The following PIGN variants were observed in gnomAD, a reference collection of about 807,000 sequenced individuals.
PIGN encodes phosphatidylinositol glycan anchor biosynthesis class N.
In PIGN, 117 loss-of-function variants were observed where a neutral mutation model predicts 125.4. The observed-to-expected ratio is 0.93, with a 90% CI of 0.80 to 1.09. The LOEUF (loss-of-function observed/expected upper bound fraction) is 1.09, where lower values mean the gene tolerates loss of function less well. Among genes scored for constraint, PIGN ranks in the 50% least tolerant of loss-of-function variants. PIGN has a pLI of 0.00. For synonymous variants in PIGN, 392 were observed against 377.8 expected, an observed-to-expected ratio of 1.04 and a Z score of -0.44; for missense variants, 1,075 against 1,094.9, an observed-to-expected ratio of 0.98 and a Z score of 0.26.
At chr18:62,087,476 G>T (rs1477250554) in intron 25 of PIGN, among the ~76,000 whole-genome samples, 1 of 152,172 alleles carries the variant, frequency 6.6e-6, no homozygotes, top group East Asian at 1.9e-4. Flanking sequence ...CATATACATG[G>T]AGAGAAAATA....
chr18:62,042,660 T>A lies in PIGN; in HGVS notation c.*3196A>T, dbSNP rs1350596005. 1 of 152,066 alleles carries A rather than the reference T, an allele frequency of 6.6e-6. No individual in the cohort carries two copies. Among genetic ancestry groups the A allele is most frequent in the African/African-American group, 2.4e-5 (1 of 41,414 alleles). The allele number at this position is 152,066 out of a possible 1,614,324, so 9.4% of individuals were successfully genotyped here. On this transcript the variant is annotated 3_prime_UTR_variant, in exon 31 of 31. Transcript: ENST00000640252. ...TGATTATTAATGTTTCCTTCTCATT[T>A]TTTTTTTAAATAACAAAGCATCATA...
At chr18:62,046,848 T>C (rs1271300969) in intron 30 of PIGN, among the ~76,000 whole-genome samples, 1 of 152,210 alleles carries the variant, frequency 6.6e-6, no homozygotes, top group Non-Finnish European at 1.5e-5. Context: ...GGGCTGACTA[T>C]ACAACTAAAA....
chr18:62,124,874 T>C (rs1259431347), intron 14 of PIGN, among the ~76,000 whole-genome samples: 1 of 152,178 alleles, frequency 6.6e-6, no homozygotes, highest in Admixed American at 6.6e-5. Flanking sequence ...CAGAAAACTA[T>C]AAACTATAGA....
In PIGN at chr18:62,105,559, G is replaced by T; in HGVS notation, c.1843C>A (p.Pro615Thr). Residue 615 changes from proline to threonine, a missense_variant, in exon 20 of 31, where the codon CCA (proline) becomes ACA (threonine). Physicochemically the swap from Pro to Thr is conservative, Grantham distance 38. Coordinates refer to ENST00000640252, the MANE Select transcript of PIGN (RefSeq NM_176787.5). The stretch of plus-strand genomic sequence containing the variant: ...TATTCATACACTAGAGAGATGTCTG[G>T]CTTTCGACCTACAACCGGCATCAGT... ...FPLMPVVGRK[P>T]DISLVMGAGL... The T allele has an allele frequency of 6.5e-7, 1 of 1,544,448 alleles. No homozygotes were observed. The highest frequency in any genetic ancestry group is 1.9e-5 in the Admixed American group (1 of 51,490).
At chr18:62,101,666 C>T (rs943136807) in intron 21 of PIGN, among the ~76,000 whole-genome samples, 3 of 152,102 alleles carry the variant, frequency 2.0e-5, no homozygotes, top group African/African-American at 7.2e-5. Context: ...GTGATGTAAT[C>T]CTTCAAATGT....
Position 62,143,286 on chromosome 18 carries a change from A to C in PIGN, c.963+20T>G. On this transcript the variant is annotated intron_variant, in intron 11 of 30. Transcript: ENST00000640252. ...AGAAGATAAAATTAAATTTGAATGT[A>C]ATAAAATCGAACTGGATACCTGATT... is the stretch of plus-strand genomic sequence containing the variant. The C allele has an allele frequency of 7.5e-7, 1 of 1,330,934 alleles. No homozygotes were observed. The highest frequency in any genetic ancestry group is 1.1e-6 in the Non-Finnish European group (1 of 945,050). The allele number at this position is 1,330,934 out of a possible 1,614,324, so 82.4% of individuals were successfully genotyped here. A position where few individuals can be genotyped will look rare whatever the true frequency, so the allele number is the denominator to read the frequency against.
rs751898649 is a variant in PIGN, at chr18:62,084,550, C to G, written c.2483G>C (p.Gly828Ala). 5 of 1,554,068 alleles carry G rather than the reference C, an allele frequency of 3.2e-6. No individual in the cohort carries two copies. The highest frequency in any genetic ancestry group is 4.4e-6 in the Non-Finnish European group (5 of 1,146,600). Residue 828 changes from glycine to alanine, a missense_variant, in exon 27 of 31, where the codon GGA (glycine) becomes GCA (alanine). Physicochemically the swap from Gly to Ala is moderately conservative, Grantham distance 60. Around this residue, in one of 3 missense-constraint regions of PIGN, gnomAD observed 915 missense variants for 908.7 expected, o/e 1.01. Transcript: ENST00000640252. ...ACTAACCTTCCACATCATCAGGGCT[C>G]CCATCATAAAAGGACTGAACACAGT... ...FLTVFSPFMM[G>A]ALMMWKILIP...
intron 28 of PIGN, among the ~76,000 whole-genome samples, chr18:62,079,247 AT>A (rs969478749): frequency 6.6e-6 from 1 of 152,140 alleles, no homozygotes; most frequent in East Asian, 1.9e-4. Context: ...GAATCACTTC[AT>A]TTTTTCCCCT....
intron 10 of PIGN, among the ~76,000 whole-genome samples, 155 bp from the exon 11 acceptor site, chr18:62,143,501 G>A (rs1006008031): frequency 2.0e-5 from 3 of 152,042 alleles, no homozygotes; most frequent in Non-Finnish European, 2.9e-5. Flanking sequence ...TAAAGGCAAA[G>A]GTGTATTTTT....
intron 14 of PIGN, among the ~76,000 whole-genome samples, chr18:62,122,177 T>C (rs968082664): frequency 5.9e-5 from 9 of 152,160 alleles, no homozygotes; most frequent in Non-Finnish European, 1.0e-4. Flanking sequence ...CATTTCAAAA[T>C]AGCTGGAACA....
At chr18:62,055,640 G>T (rs1423917544) in intron 30 of PIGN, among the ~76,000 whole-genome samples, 1 of 151,910 alleles carries the variant, frequency 6.6e-6, no homozygotes, top group African/African-American at 2.4e-5. Context: ...AGTTACCACT[G>T]GGGGGAAATA....
At chr18:62,114,787 T>C (rs9962588) in intron 14 of PIGN, 148 bp from the exon 15 acceptor site, 4 of 464,852 alleles carry the variant, frequency 8.6e-6, no homozygotes, top group Non-Finnish European at 1.1e-5. Context: ...AATTGCTGTT[T>C]GTTCTCTGAA....
At position 62,154,898 on chromosome 18, in the gene PIGN, G is replaced by A. The variant is rs139331743; in HGVS notation, c.443-247C>T. ...CTCAAAAATAACATATTTTAATTTCGCAGATTCATTATATGTTAATTAACA... is the reference window on the plus strand; with the variant it reads ...CTCAAAAATAACATATTTTAATTTCACAGATTCATTATATGTTAATTAACA... On this transcript the variant is annotated intron_variant, in intron 6 of 30. Transcript: ENST00000640252. 4.5e-3 allele frequency among the ~76,000 whole-genome samples: 684 copies of A among 151,938 alleles called. 4 individuals carry two copies. Among genetic ancestry groups the A allele is most frequent in the African/African-American group, 0.016 (653 of 41,456 alleles).
At chr18:62,039,410 T>A (rs2030305021), downstream of PIGN, among the ~76,000 whole-genome samples, 2 of 152,118 alleles carry the variant, frequency 1.3e-5, no homozygotes, top group African/African-American at 4.8e-5. Flanking sequence ...TTATTCAGAT[T>A]TCCTTAGTTT....
rs1038097886 is a variant in PIGN at position 62,125,516 on chromosome 18, A to G, written c.1173-10877T>C. Among the ~76,000 whole-genome samples, 3 of 152,108 alleles carry G rather than the reference A, an allele frequency of 2.0e-5. No homozygotes were observed. In the East Asian group the frequency reaches 5.8e-4, roughly 29 times the overall value. On this transcript the variant is annotated intron_variant, in intron 14 of 30. Transcript: ENST00000640252. Reference sequence around the variant, plus strand: ...TACCTTGGGGCAAAGACTTTTTCACATTCACTTCCTGAAGTTCTGTATCAC... The same window carrying G: ...TACCTTGGGGCAAAGACTTTTTCACGTTCACTTCCTGAAGTTCTGTATCAC...
intron 30 of PIGN, among the ~76,000 whole-genome samples, chr18:62,048,809 G>A (rs1268444375): frequency 2.0e-5 from 3 of 149,192 alleles, no homozygotes; most frequent in African/African-American, 7.4e-5. Context: ...CCATTAACTC[G>A]TCATTTAGCA....
intron 22 of PIGN, among the ~76,000 whole-genome samples, chr18:62,097,040 A>G (rs2034238592): frequency 6.6e-6 from 1 of 151,060 alleles, no homozygotes; most frequent in Admixed American, 6.6e-5. Flanking sequence ...AAAACACCAA[A>G]AGCAATGGCA....
intron 16 of PIGN, 195 bp downstream of exon 16, chr18:62,112,939 T>A: frequency 1.9e-6 from 1 of 525,930 alleles, no homozygotes; most frequent in Non-Finnish European, 3.3e-6. Flanking sequence ...TATAGGATCA[T>A]TATTATCAAT....
intron 11 of PIGN, among the ~76,000 whole-genome samples, chr18:62,141,555 T>C (rs909567446): frequency 1.3e-5 from 2 of 152,198 alleles, no homozygotes; most frequent in Non-Finnish European, 2.9e-5. Context: ...CACTTTCTAC[T>C]ATTTAGATTG....
Sources: allele counts gnomAD v4.1 joint callset (sites outside exome capture counted in the v4.1 genomes callset), GRCh38; gene constraint gnomAD v4.1.1; regional missense constraint gnomAD v4.1.1; transcripts MANE v1.5; gene names NCBI Gene and HGNC (gene_info 2026-07-23, HGNC 2026-07-21).